The following GABRG2 variants were observed in gnomAD, a reference collection of about 807,000 sequenced individuals.
The protein encoded by GABRG2 is gamma-aminobutyric acid receptor subunit gamma-2.
In GABRG2, 16 loss-of-function variants were observed where a neutral mutation model predicts 56.4. That is an observed-to-expected ratio of 0.28 (90% CI 0.19 to 0.43). The LOEUF (loss-of-function observed/expected upper bound fraction) is 0.43, where lower values mean the gene tolerates loss of function less well. GABRG2 is among the 20% of genes least tolerant of loss of function. The pLI is 1.00. For missense variants in GABRG2, 327 were observed against 582.7 expected (o/e 0.56, Z 4.52); for synonymous variants, 208 against 205.5 (o/e 1.01, Z -0.10).
At position 162,154,858 on chromosome 5, in the gene GABRG2, G is replaced by T. The variant is rs553454795; in HGVS notation, c.*1490G>T. 2 of 152,130 alleles carry T rather than the reference G, an allele frequency of 1.3e-5. No individual in the cohort carries two copies. The highest frequency in any genetic ancestry group is 4.8e-5 in the African/African-American group (2 of 41,526). 9.4% of individuals were successfully genotyped at this position (152,130 alleles called of 1,614,324 possible). A position where few individuals can be genotyped will look rare whatever the true frequency, so the allele number is the denominator to read the frequency against. ...AAAAAAATGAATGACTCACATAGAG[G>T]TTGAGCCAATGACTGTGGCCTCATT... On this transcript the variant is annotated 3_prime_UTR_variant, in exon 10 of 10. Transcript: ENST00000639213.
intron 6 of GABRG2, among the ~76,000 whole-genome samples, chr5:162,131,465 T>C (rs1272527972): frequency 2.6e-5 from 4 of 151,974 alleles, no homozygotes; most frequent in South Asian, 2.1e-4. Context: ...TTTAAGAGTA[T>C]TCCCAACTAT....
intron 6 of GABRG2, among the ~76,000 whole-genome samples, chr5:162,117,571 CT>C (rs1045832477): frequency 6.6e-6 from 1 of 152,052 alleles, no homozygotes; most frequent in African/African-American, 2.4e-5. Context: ...ACGATTTAAC[CT>C]TTTCTTTAAT....
intron 1 of GABRG2, among the ~76,000 whole-genome samples, chr5:162,082,623 A>T (rs1274522943): frequency 6.6e-6 from 1 of 151,806 alleles, no homozygotes; most frequent in African/African-American, 2.4e-5. Context: ...TCTAAGTGCT[A>T]AGAATAGTGC....
chr5:162,100,790 T>C (rs1401490449), intron 4 of GABRG2, among the ~76,000 whole-genome samples: 1 of 152,156 alleles, frequency 6.6e-6, no homozygotes, highest in Admixed American at 6.5e-5. Context: ...AGCTAACAGC[T>C]AACAAGTTCT....
At chr5:162,099,806 A>G (rs1761282809) in intron 4 of GABRG2, 1 of 152,206 alleles carries the variant, frequency 6.6e-6, no homozygotes, top group Non-Finnish European at 1.5e-5. Flanking sequence ...CAGTCTACAT[A>G]GAGAGATGAT....
intron 4 of GABRG2, 60 bp downstream of exon 4, chr5:162,097,918 T>A: frequency 7.1e-7 from 1 of 1,410,922 alleles, no homozygotes; most frequent in Non-Finnish European, 1.0e-6. Context: ...AACACAAAAA[T>A]CAACCTTAAG....
At chr5:162,145,589 GA>G (rs1764894007) in intron 7 of GABRG2, among the ~76,000 whole-genome samples, 1 of 152,162 alleles carries the variant, frequency 6.6e-6, no homozygotes, top group African/African-American at 2.4e-5. Flanking sequence ...AAAATATCAT[GA>G]GGCAATTCTT....
At chr5:162,102,827 T>C (rs1191387079) in intron 5 of GABRG2, 1 of 231,150 alleles carries the variant, frequency 4.3e-6, no homozygotes, top group East Asian at 1.0e-4. Context: ...AGGGACTCTC[T>C]CTTTTTTTTC....
At chr5:162,085,322 A>G (rs1290671410) in intron 1 of GABRG2, among the ~76,000 whole-genome samples, 1 of 152,094 alleles carries the variant, frequency 6.6e-6, no homozygotes, top group East Asian at 1.9e-4. Context: ...AGAAAGTGAA[A>G]ATACTATTTT....
chr5:162,126,140 A>G (rs1763326758), intron 6 of GABRG2, among the ~76,000 whole-genome samples: 1 of 151,952 alleles, frequency 6.6e-6, no homozygotes, highest in Non-Finnish European at 1.5e-5. Context: ...AGTATGTGAT[A>G]GTGAGCCAGT....
intron 5 of GABRG2, 67 bp from the exon 6 acceptor site, chr5:162,103,822 A>G: frequency 1.9e-6 from 3 of 1,556,682 alleles, no homozygotes; most frequent in Non-Finnish European, 2.7e-6. Context: ...TCATGTTCAT[A>G]GAAGATGGTT....
intron 6 of GABRG2, among the ~76,000 whole-genome samples, chr5:162,112,043 T>A (rs1762288851): frequency 6.6e-6 from 1 of 152,130 alleles, no homozygotes; most frequent in Non-Finnish European, 1.5e-5. Context: ...AGTTAAGTGG[T>A]CATTACTACT....
At chr5:162,078,608 T>C (rs1011199779) in intron 1 of GABRG2, among the ~76,000 whole-genome samples, 37 of 151,254 alleles carry the variant, frequency 2.4e-4, no homozygotes, top group African/African-American at 8.7e-4. Context: ...GGTTTCACCA[T>C]GTTAGCCAGG....
At chr5:162,089,697 A>G (rs555403073) in intron 1 of GABRG2, among the ~76,000 whole-genome samples, 1 of 152,256 alleles carries the variant, frequency 6.6e-6, no homozygotes, top group Admixed American at 6.6e-5. Flanking sequence ...TGTGTTAGAG[A>G]AGGATAAATA....
chr5:162,096,394 C>T (rs1165742378), intron 3 of GABRG2, among the ~76,000 whole-genome samples: 1 of 151,766 alleles, frequency 6.6e-6, no homozygotes. Context: ...AATAACAGTC[C>T]CCAGAACTGT....
chr5:162,075,318 T>A (rs1759007126), intron 1 of GABRG2, among the ~76,000 whole-genome samples: 1 of 152,100 alleles, frequency 6.6e-6, no homozygotes, highest in Non-Finnish European at 1.5e-5. Context: ...TAACTCACCT[T>A]TTTGAAGTTT....
intron 1 of GABRG2, among the ~76,000 whole-genome samples, chr5:162,092,511 C>T: frequency 6.6e-6 from 1 of 152,050 alleles, no homozygotes; most frequent in Non-Finnish European, 1.5e-5. Flanking sequence ...TCATCTTCTG[C>T]AATATTTAGT....
chr5:162,102,145 T>C (rs1221850944), intron 5 of GABRG2: 1 of 169,128 alleles, frequency 5.9e-6, no homozygotes, highest in Non-Finnish European at 1.3e-5. Context: ...AGAGAAGTAA[T>C]CACCTGTTTA....
intron 1 of GABRG2, among the ~76,000 whole-genome samples, chr5:162,070,648 A>G (rs1259671567): frequency 6.6e-6 from 1 of 152,048 alleles, no homozygotes; most frequent in Non-Finnish European, 1.5e-5. Flanking sequence ...AAAGAGAAAA[A>G]TAAAGCATCG....
Sources: gnomAD v4.1 joint callset for allele counts (sites outside exome capture counted in the v4.1 genomes callset) on GRCh38, gnomAD v4.1.1 for gene constraint, MANE v1.5 for transcripts, NCBI Gene and HGNC (gene_info 2026-07-23, HGNC 2026-07-21) for gene names.